Variants in NDUFAF2 observed in about 807,000 individuals in gnomAD.
NDUFAF2 encodes the protein NADH dehydrogenase [ubiquinone] 1 alpha subcomplex assembly factor 2.
NDUFAF2 carries 13 observed loss-of-function variants against 22.8 expected under a neutral mutation model. The ratio of observed to expected loss-of-function variants is 0.57; its 90% CI spans 0.37 to 0.91. The LOEUF is 0.91. Among genes scored for constraint, NDUFAF2 ranks in the 40% least tolerant of loss-of-function variants. The probability of loss-of-function intolerance (pLI) is 0.01; values close to 1 mark genes in which losing one functional copy is unlikely to be tolerated. For missense variants in NDUFAF2, 162 were observed against 195.2 expected, an observed-to-expected ratio of 0.83 and a Z score of 1.01; for synonymous variants, 53 against 64.2, an observed-to-expected ratio of 0.83 and a Z score of 0.84.
intron 1 of NDUFAF2, among the ~76,000 whole-genome samples, chr5:61,015,406 T>C (rs1416837619): frequency 6.6e-6 from 1 of 152,106 alleles, no homozygotes; most frequent in Admixed American, 6.6e-5. Context: ...CTCAGCCTCC[T>C]GAGTAGCTGG....
Position 61,041,170 on chromosome 5 carries a change from A to C in NDUFAF2, c.128-31955A>C, listed in dbSNP as rs1751877756. ...AAGTAACATCTAAGAGGATATATAC[A>C]AATTTAAATTTTTTAAACTTTAAAG... On this transcript the variant is annotated intron_variant, in intron 1 of 3. Coordinates refer to ENST00000296597, the MANE Select transcript of NDUFAF2 (RefSeq NM_174889.5). Among the ~76,000 whole-genome samples, 3 of 152,186 alleles carry C rather than the reference A, an allele frequency of 2.0e-5. No individual in the cohort carries two copies. The South Asian group carries it at 6.2e-4, about 32-fold the overall frequency.
intron 1 of NDUFAF2, among the ~76,000 whole-genome samples, chr5:61,010,378 C>T (rs1274701794): frequency 1.3e-5 from 2 of 152,076 alleles, no homozygotes; most frequent in East Asian, 1.9e-4. Context: ...TCCTTCAGCC[C>T]GCTACAGCTT....
chr5:61,146,231 T>A (rs1741135734), intron 3 of NDUFAF2: 1 of 152,202 alleles, frequency 6.6e-6, no homozygotes, highest in Non-Finnish European at 1.5e-5. Context: ...GTATTGGTAT[T>A]TTCAATGGAC....
At chr5:61,123,192 G>C (rs1228753346) in intron 3 of NDUFAF2, among the ~76,000 whole-genome samples, 2 of 151,946 alleles carry the variant, frequency 1.3e-5, no homozygotes, top group East Asian at 3.9e-4. Context: ...TGGATTACTT[G>C]TTCAACATAA....
At chr5:60,960,051 G>A (rs1369104438) in intron 1 of NDUFAF2, among the ~76,000 whole-genome samples, 4 of 152,052 alleles carry the variant, frequency 2.6e-5, no homozygotes, top group Non-Finnish European at 5.9e-5. Context: ...TGAAGTTAAG[G>A]AACCTTAATC....
chr5:61,073,960 A>G (rs938599995), intron 2 of NDUFAF2, among the ~76,000 whole-genome samples: 1 of 152,278 alleles, frequency 6.6e-6, no homozygotes, highest in African/African-American at 2.4e-5. Context: ...TGAGAAGTAC[A>G]TAGAGAGAAT....
At chr5:60,974,197 T>A (rs938703423) in intron 1 of NDUFAF2, among the ~76,000 whole-genome samples, 1 of 152,324 alleles carries the variant, frequency 6.6e-6, no homozygotes, top group East Asian at 1.9e-4. Context: ...GAAAGTGGAA[T>A]GAGCAGACTT....
At position 61,063,805 on chromosome 5, in the gene NDUFAF2, G is replaced by T. The variant is rs533280446; in HGVS notation, c.128-9320G>T. The stretch of plus-strand genomic sequence containing the variant: ...GAAAATTGTGAAATCATAAAGATAG[G>T]CAAAAAGAGGAAGAAAAGAACAAAG... On this transcript the variant is annotated intron_variant, in intron 1 of 3. Coordinates refer to ENST00000296597, the MANE Select transcript of NDUFAF2 (RefSeq NM_174889.5). 1.1e-3 allele frequency among the ~76,000 whole-genome samples: 168 copies of T among 152,018 alleles called. 2 individuals carry two copies. The highest frequency in any genetic ancestry group is 1.8e-3 in the Non-Finnish European group (119 of 67,936).
At chr5:61,021,433 T>C (rs1751582591) in intron 1 of NDUFAF2, among the ~76,000 whole-genome samples, 1 of 152,206 alleles carries the variant, frequency 6.6e-6, no homozygotes, top group South Asian at 2.1e-4. Context: ...ATAAGGATTC[T>C]TGTGATTACA....
At chr5:61,109,078 C>G (rs1752803803) in intron 3 of NDUFAF2, among the ~76,000 whole-genome samples, 1 of 152,090 alleles carries the variant, frequency 6.6e-6, no homozygotes, top group Admixed American at 6.6e-5. Context: ...TTTATTCTTC[C>G]AATTCATGAA....
intron 1 of NDUFAF2, among the ~76,000 whole-genome samples, chr5:60,997,971 C>T (rs1419239212): frequency 6.6e-6 from 1 of 152,176 alleles, no homozygotes; most frequent in Non-Finnish European, 1.5e-5. Context: ...TGCCTCCCAG[C>T]CAACAAGTGA....
At chr5:61,056,234 T>C (rs1378588397) in intron 1 of NDUFAF2, among the ~76,000 whole-genome samples, 1 of 152,188 alleles carries the variant, frequency 6.6e-6, no homozygotes, top group Non-Finnish European at 1.5e-5. Context: ...AGAGGCAGGC[T>C]CCATTTTTAT....
chr5:61,092,889 C>T (rs912644396), intron 2 of NDUFAF2, among the ~76,000 whole-genome samples: 4 of 152,196 alleles, frequency 2.6e-5, no homozygotes, highest in Non-Finnish European at 2.9e-5. Flanking sequence ...TTGACTCACA[C>T]GATCACAAGG....
At chr5:61,077,020 T>C (rs933973746) in intron 2 of NDUFAF2, among the ~76,000 whole-genome samples, 2 of 152,058 alleles carry the variant, frequency 1.3e-5, no homozygotes, top group African/African-American at 4.8e-5. Flanking sequence ...AGGAGTGCAG[T>C]GAAAGGAGCA....
At chr5:61,085,848 C>A (rs1182928048) in intron 2 of NDUFAF2, among the ~76,000 whole-genome samples, 1 of 152,126 alleles carries the variant, frequency 6.6e-6, no homozygotes, top group Non-Finnish European at 1.5e-5. Flanking sequence ...GGTGAGGTGG[C>A]TCATGGCTAT....
chr5:61,033,386 A>C (rs763604251), intron 1 of NDUFAF2, among the ~76,000 whole-genome samples: 5 of 152,156 alleles, frequency 3.3e-5, no homozygotes, highest in Admixed American at 2.0e-4. Flanking sequence ...AAGTTAGTAC[A>C]GTAATAACAT....
At chr5:60,966,841 C>T (rs1255129704) in intron 1 of NDUFAF2, among the ~76,000 whole-genome samples, 1 of 152,068 alleles carries the variant, frequency 6.6e-6, no homozygotes, top group Non-Finnish European at 1.5e-5. Context: ...TTGGTGGCTT[C>T]ACTGAAATTT....
rs181286696 is a variant in NDUFAF2, at chr5:61,042,291, G to A, written c.128-30834G>A. On this transcript the variant is annotated intron_variant, in intron 1 of 3. Coordinates refer to ENST00000296597, the MANE Select transcript of NDUFAF2 (RefSeq NM_174889.5). ...ATAAATTATGGTACATTTACACAAT[G>A]GATACAGCTGTTAAAAAAAGATATG... Among the ~76,000 whole-genome samples, 350 of 151,948 alleles carry A rather than the reference G, an allele frequency of 2.3e-3. 2 individuals are homozygous for A. The highest frequency in any genetic ancestry group is 8.2e-3 in the African/African-American group (338 of 41,420).
chr5:61,015,084 C>A (rs1165337386), intron 1 of NDUFAF2, among the ~76,000 whole-genome samples: 2 of 152,100 alleles, frequency 1.3e-5, no homozygotes, highest in Non-Finnish European at 2.9e-5. Flanking sequence ...CTATCACAAG[C>A]AAGGCTGACT....
Sources: gnomAD v4.1 joint callset for allele counts (sites outside exome capture counted in the v4.1 genomes callset) on GRCh38, gnomAD v4.1.1 for gene constraint, MANE v1.5 for transcripts, NCBI Gene and HGNC (gene_info 2026-07-23, HGNC 2026-07-21) for gene names.